The following KIAA2012 variants were observed in gnomAD, a reference collection of about 807,000 sequenced individuals.
The protein encoded by KIAA2012 is uncharacterized protein KIAA2012.
A neutral mutation model predicts 150.6 loss-of-function variants in KIAA2012; 125 were observed. That is an observed-to-expected ratio of 0.83 (90% confidence interval 0.72 to 0.96). The LOEUF (loss-of-function observed/expected upper bound fraction) is 0.96. Ranked by LOEUF, KIAA2012 falls within the 40% of genes least tolerant of loss-of-function variation. The pLI, the probability that KIAA2012 is intolerant of heterozygous loss-of-function variation, is 0.00. For synonymous variants in KIAA2012, 462 were observed against 504.7 expected (o/e 0.92, Z 1.13); for missense variants, 1,219 against 1,354.9 (o/e 0.90, Z 1.57).
At chr2:202,179,807 C>T (rs1692080398) in intron 15 of KIAA2012, 1 of 621,622 alleles carries the variant, frequency 1.6e-6, no homozygotes, top group Non-Finnish European at 3.1e-6. Context: ...AATGGGGAAA[C>T]TTCCCTTGAG....
rs1689294562 is a variant in KIAA2012 at position 202,075,060 on chromosome 2, C to G, written c.254C>G (p.Pro85Arg). Residue 85 changes from proline to arginine, a missense_variant, in exon 2 of 24, where the codon CCC becomes CGC. Coordinates refer to ENST00000498697, the MANE Select transcript of KIAA2012 (RefSeq NM_001277372.4). ...GGTTTTGCCATTTCGGCATGGACAC[C>G]CAAAGAGAGGAGAAAAGGCCCCTAC... ...SEGFAISAWT[P>R]KERRKGPYCP... The G allele has an allele frequency of 6.4e-7, 1 of 1,550,512 alleles. No individual in the cohort carries two copies. Among genetic ancestry groups the G allele is most frequent in the Non-Finnish European group, 8.7e-7 (1 of 1,146,994 alleles).
chr2:202,082,511 G>A (rs1689473817), intron 2 of KIAA2012, among the ~76,000 whole-genome samples: 1 of 151,954 alleles, frequency 6.6e-6, no homozygotes, highest in Non-Finnish European at 1.5e-5. Flanking sequence ...CAGGAGAATT[G>A]CTTGAACCCG....
chr2:202,196,912 A>AGCAGAAGAGAAGGCTCGGCTGGAG lies in KIAA2012; in HGVS notation c.3306_3329dup (p.Lys1104_Glu1111dup). On this transcript the variant is annotated inframe_insertion, in exon 22 of 24. Transcript: ENST00000498697. ...TGGAGTACCAGCGGCGGAAACAGGA[A>AGCAGAAGAGAAGGCTCGGCTGGAG]GCAGAAGAGAAGGCTCGGCTGGAGG... is the stretch of plus-strand genomic sequence containing the variant. The AGCAGAAGAGAAGGCTCGGCTGGAG allele has an allele frequency of 1.4e-5, 22 of 1,550,782 alleles. No individual in the cohort carries two copies. Among genetic ancestry groups the AGCAGAAGAGAAGGCTCGGCTGGAG allele is most frequent in the Non-Finnish European group, 1.8e-5 (21 of 1,147,016 alleles).
chr2:202,121,664 A>G (rs137876963), intron 11 of KIAA2012, among the ~76,000 whole-genome samples: 3 of 152,184 alleles, frequency 2.0e-5, no homozygotes, highest in African/African-American at 4.8e-5. Context: ...CAGGGAGCTC[A>G]CTTACGTGGT....
At chr2:202,082,293 T>G (rs1416290636) in intron 2 of KIAA2012, among the ~76,000 whole-genome samples, 1 of 152,150 alleles carries the variant, frequency 6.6e-6, no homozygotes, top group Non-Finnish European at 1.5e-5. Flanking sequence ...AGATCGAGGC[T>G]ACAGTGAGAC....
At position 202,179,528 on chromosome 2, in the gene KIAA2012, G is replaced by C. The variant is rs1426600914; in HGVS notation, c.2120-5225G>C. On this transcript the variant is annotated intron_variant, in intron 15 of 23. Transcript: ENST00000498697. ...GCACATAGGTTTGGTGTACAGTGGC[G>C]TGGGCCCAGATAACAAAGTGCTTGT... 2.0e-5 allele frequency: 14 copies of C among 695,722 alleles called. 1 individual carries two copies. The Middle Eastern group carries it at 9.2e-4, about 46-fold the overall frequency. 43.1% of individuals were successfully genotyped at this position (695,722 alleles called of 1,614,324 possible).
chr2:202,087,730 C>T (rs1347748371), intron 2 of KIAA2012, among the ~76,000 whole-genome samples: 1 of 151,970 alleles, frequency 6.6e-6, no homozygotes, highest in Non-Finnish European at 1.5e-5. Context: ...ACAAGATGGT[C>T]CCATACTTTC....
At chr2:202,157,452 G>A (rs368156641) in intron 14 of KIAA2012, among the ~76,000 whole-genome samples, 18 of 152,344 alleles carry the variant, frequency 1.2e-4, no homozygotes, top group South Asian at 6.2e-4. Flanking sequence ...AGCATTGCAC[G>A]TTGCAGGGGA....
chr2:202,073,273 T>C lies in KIAA2012; in HGVS notation c.-355T>C, dbSNP rs934024301. 11 of 196,832 alleles carry C rather than the reference T, an allele frequency of 5.6e-5. No homozygotes were observed. The highest frequency in any genetic ancestry group is 2.3e-4 in the African/African-American group (10 of 43,490). The allele number at this position is 196,832 out of a possible 1,614,324, so 12.2% of individuals were successfully genotyped here. A position where few individuals can be genotyped will look rare whatever the true frequency, so the allele number is the denominator to read the frequency against. ...TCCGCTCAGACAAGAAGGATGGTGC[T>C]GTGGCCGAGATCTGTAGATGCACAC... On this transcript the variant is annotated 5_prime_UTR_variant, in exon 1 of 24. Transcript: ENST00000498697.
chr2:202,126,469 C>G (rs1210223185), intron 12 of KIAA2012, among the ~76,000 whole-genome samples: 1 of 152,178 alleles, frequency 6.6e-6, no homozygotes, highest in Non-Finnish European at 1.5e-5. Context: ...GAGTCTGGCC[C>G]TCTGCATTCC....
chr2:202,160,279 A>G (rs907694668), intron 14 of KIAA2012, among the ~76,000 whole-genome samples: 1 of 151,272 alleles, frequency 6.6e-6, no homozygotes, highest in African/African-American at 2.4e-5. Flanking sequence ...TTTTATCTTA[A>G]TAACACAAGA....
chr2:202,119,920 G>A (rs549566608), intron 11 of KIAA2012, among the ~76,000 whole-genome samples: 1 of 152,234 alleles, frequency 6.6e-6, no homozygotes, highest in South Asian at 2.1e-4. Flanking sequence ...TGAATTATGG[G>A]GGCAGCTCTT....
At chr2:202,179,556 A>C in intron 15 of KIAA2012, 1 of 679,158 alleles carries the variant, frequency 1.5e-6, no homozygotes, top group Non-Finnish European at 2.8e-6. Flanking sequence ...GTGCTTGTGC[A>C]CACAGCTCGA....
At chr2:202,078,798 G>T (rs965131918) in intron 2 of KIAA2012, among the ~76,000 whole-genome samples, 6 of 152,110 alleles carry the variant, frequency 3.9e-5, no homozygotes, top group African/African-American at 1.4e-4. Flanking sequence ...CAGAGAACTC[G>T]AGTGACTCAC....
chr2:202,112,651 T>G (rs978300694), intron 10 of KIAA2012, among the ~76,000 whole-genome samples: 3 of 152,182 alleles, frequency 2.0e-5, no homozygotes, highest in Admixed American at 2.0e-4. Flanking sequence ...CTGAATTAAA[T>G]TATAGGACAA....
intron 10 of KIAA2012, among the ~76,000 whole-genome samples, 199 bp from the exon 11 acceptor site, chr2:202,113,137 C>T (rs529118938): frequency 5.9e-5 from 9 of 152,276 alleles, no homozygotes; most frequent in African/African-American, 1.2e-4. Context: ...CCTTGACCCC[C>T]GGAAGGCAGG....
intron 22 of KIAA2012, among the ~76,000 whole-genome samples, 160 bp from the exon 23 acceptor site, chr2:202,202,269 T>C (rs538757397): frequency 1.3e-5 from 2 of 152,314 alleles, no homozygotes; most frequent in South Asian, 4.1e-4. Context: ...TGTATGTAAA[T>C]TTACTAAATG....
At chr2:202,129,680 CAG>C (rs1378042950) in intron 12 of KIAA2012, among the ~76,000 whole-genome samples, 2 of 151,960 alleles carry the variant, frequency 1.3e-5, no homozygotes, top group Non-Finnish European at 2.9e-5. Context: ...CCTCAGAAGT[CAG>C]GGGAGTGGCA....
intron 15 of KIAA2012, among the ~76,000 whole-genome samples, chr2:202,174,887 G>A (rs1559228743): frequency 1.3e-5 from 2 of 151,938 alleles, no homozygotes; most frequent in Non-Finnish European, 2.9e-5. Context: ...ATGCTGGTGC[G>A]CTGCACCGAG....
Sources: allele counts gnomAD v4.1 joint callset (sites outside exome capture counted in the v4.1 genomes callset), GRCh38; gene constraint gnomAD v4.1.1; transcripts MANE v1.5; gene names NCBI Gene and HGNC (gene_info 2026-07-23, HGNC 2026-07-21).